MFN2: variants seen among roughly 807,000 people sequenced by gnomAD.
The protein encoded by MFN2 is mitofusin 2.
In MFN2, 43 loss-of-function variants were observed where a neutral mutation model predicts 87.5. The ratio of observed to expected loss-of-function variants is 0.49; its 90% confidence interval spans 0.38 to 0.63. The LOEUF (loss-of-function observed/expected upper bound fraction) is 0.63, where lower values mean the gene tolerates loss of function less well. MFN2 is among the 30% of genes least tolerant of loss of function. The probability of loss-of-function intolerance (pLI) is 0.00; values close to 1 mark genes in which losing one functional copy is unlikely to be tolerated. For missense variants in MFN2, 743 were observed against 972.8 expected (o/e 0.76, Z 3.14); for synonymous variants, 337 against 359.9 (o/e 0.94, Z 0.72).
chr1:12,005,056 C>T, intron 14 of MFN2, 129 bp downstream of exon 14: 1 of 769,652 alleles, frequency 1.3e-6, no homozygotes. Context: ...TCGATACCTT[C>T]AGGTTCTGGG....
intron 2 of MFN2, among the ~76,000 whole-genome samples, chr1:11,982,916 A>C (rs1646011481): frequency 6.6e-6 from 1 of 152,142 alleles, no homozygotes; most frequent in Non-Finnish European, 1.5e-5. Flanking sequence ...GGGTTTTTTC[A>C]TTGATTATAT....
chr1:11,998,484 G>A (rs1300192352), intron 6 of MFN2, among the ~76,000 whole-genome samples: 9 of 152,084 alleles, frequency 5.9e-5, no homozygotes, highest in African/African-American at 2.2e-4. Context: ...GGAGGCGGAG[G>A]TTGCAGTGAG....
In MFN2 at chr1:12,004,773, G is replaced by A. The variant is rs1639329063; in HGVS notation, c.1393-52G>A. On this transcript the variant is annotated intron_variant, in intron 13 of 18. Coordinates refer to ENST00000235329, the MANE Select transcript of MFN2 (RefSeq NM_014874.4). This position sits in a 1 kb window ranked among gnomAD's most constrained non-coding sequence, Gnocchi z 4.2. ...TGGGGTCACCTGGTGGATGTGGCCT[G>A]AAGGGAATTTTGATGGACATGCTTC... The A allele has an allele frequency of 6.3e-7, 1 of 1,579,232 alleles. No individual in the cohort carries two copies. The highest frequency in any genetic ancestry group is 8.7e-7 in the Non-Finnish European group (1 of 1,150,494).
At chr1:11,999,142 C>A in intron 8 of MFN2, 47 bp downstream of exon 8, 2 of 1,465,022 alleles carry the variant, frequency 1.4e-6, no homozygotes, top group South Asian at 2.3e-5. Flanking sequence ...CCCGAGGGAG[C>A]ACTGCCTGCC....
In MFN2 at chr1:12,004,246, A is replaced by G; in HGVS notation, c.1287+128A>G. 1 of 1,309,658 alleles carries G rather than the reference A, an allele frequency of 7.6e-7. No individual in the cohort carries two copies. The highest frequency in any genetic ancestry group is 1.1e-6 in the Non-Finnish European group (1 of 928,106). The allele number at this position is 1,309,658 out of a possible 1,614,324, so 81.1% of individuals were successfully genotyped here. A position where few individuals can be genotyped will look rare whatever the true frequency, so the allele number is the denominator to read the frequency against. On this transcript the variant is annotated intron_variant, in intron 12 of 18. Coordinates refer to ENST00000235329, the MANE Select transcript of MFN2 (RefSeq NM_014874.4). This position sits in a 1 kb window ranked among gnomAD's most constrained non-coding sequence, Gnocchi z 4.2. Reference sequence around the variant, plus strand: ...AAAGTTGTGGCCCTGTTTCAAGAATACAGAGCTGCCGTTTGGGTTCCATTG... The same window carrying G: ...AAAGTTGTGGCCCTGTTTCAAGAATGCAGAGCTGCCGTTTGGGTTCCATTG...
chr1:11,984,590 AGAT>A (rs1193933868), intron 2 of MFN2, among the ~76,000 whole-genome samples: 1 of 152,168 alleles, frequency 6.6e-6, no homozygotes, highest in Non-Finnish European at 1.5e-5. Flanking sequence ...ATATAATGTT[AGAT>A]GTGTTAGGCC....
chr1:11,986,780 G>C (rs995983015), intron 2 of MFN2, among the ~76,000 whole-genome samples: 1 of 151,686 alleles, frequency 6.6e-6, no homozygotes, highest in Non-Finnish European at 1.5e-5. Flanking sequence ...TAGCAGAGAA[G>C]GGGTTTCACC....
At chr1:12,000,992 C>T (rs1639145176) in intron 8 of MFN2, among the ~76,000 whole-genome samples, 1 of 152,138 alleles carries the variant, frequency 6.6e-6, no homozygotes, top group Non-Finnish European at 1.5e-5. Flanking sequence ...TGTGTTTGTG[C>T]CTTTGGCTGT....
chr1:12,005,692 C>T lies in MFN2; in HGVS notation c.1496-19C>T, dbSNP rs373112191. ...AGGGCTGAGCTGATAAGCTTTTCCT[C>T]CATTTCTCTTCCTGACAGATGGCTT... On this transcript the variant is annotated intron_variant, in intron 14 of 18. Coordinates refer to ENST00000235329, the MANE Select transcript of MFN2 (RefSeq NM_014874.4). 2 of 1,612,400 alleles carry T rather than the reference C, an allele frequency of 1.2e-6. No individual in the cohort carries two copies. Among genetic ancestry groups the T allele is most frequent in the South Asian group, 2.2e-5 (2 of 91,022 alleles).
At chr1:12,007,368 C>T in intron 17 of MFN2, 119 bp downstream of exon 17, 1 of 1,287,706 alleles carries the variant, frequency 7.8e-7, no homozygotes, top group Non-Finnish European at 1.1e-6. Context: ...GCATCGTAGA[C>T]CCTGGGCCTT....
rs771439230 is a variant in MFN2 at position 11,992,699 on chromosome 1, T to C, written c.311+9T>C. ...GTGGCTTTTTTTGGCCGGTAAGTCC[T>C]TGAGGCACCCACCCTTTCTTTCTTC... On this transcript the variant is annotated intron_variant, in intron 4 of 18. Coordinates refer to ENST00000235329, the MANE Select transcript of MFN2 (RefSeq NM_014874.4). The C allele has an allele frequency of 2.5e-6, 4 of 1,614,048 alleles. No individual in the cohort carries two copies. In the African/African-American group the frequency reaches 4.0e-5, roughly 16 times the overall value.
chr1:11,992,460 T>G, intron 3 of MFN2, 95 bp from the exon 4 acceptor site: 1 of 1,513,848 alleles, frequency 6.6e-7, no homozygotes, highest in Non-Finnish European at 9.2e-7. Context: ...TGGACTCGTT[T>G]AGGGTAAGCA....
At chr1:11,993,810 A>G (rs1638798111) in intron 4 of MFN2, among the ~76,000 whole-genome samples, 1 of 152,034 alleles carries the variant, frequency 6.6e-6, no homozygotes, top group Admixed American at 6.6e-5. Flanking sequence ...CTTGATATAC[A>G]TGAAGTATTC....
chr1:11,989,426 C>T, intron 3 of MFN2, 83 bp downstream of exon 3: 1 of 1,484,280 alleles, frequency 6.7e-7, no homozygotes, highest in Non-Finnish European at 9.2e-7. Context: ...GGAGGTATAT[C>T]TCTGCTCCCA....
At chr1:12,009,515 C>T (rs1639594053) in intron 17 of MFN2, 77 bp from the exon 18 acceptor site, 1 of 1,602,424 alleles carries the variant, frequency 6.2e-7, no homozygotes, top group Non-Finnish European at 8.5e-7. Flanking sequence ...CAGCTGCTCC[C>T]TACTGTGGGT....
rs1313117476 is a variant in MFN2 at position 11,980,568 on chromosome 1, G to A, written c.-150+84G>A. On this transcript the variant is annotated intron_variant, in intron 1 of 18. Coordinates refer to ENST00000235329, the MANE Select transcript of MFN2 (RefSeq NM_014874.4). ...TGAGCAGCTCGGCGTGGGCCGACGG[G>A]ATTCTGGGGCCACGGGGGTCTGGGA... 165 of 397,484 alleles carry A rather than the reference G, an allele frequency of 4.2e-4. 1 individual carries two copies. In the East Asian group the frequency reaches 5.9e-3, roughly 14 times the overall value. The allele number at this position is 397,484 out of a possible 1,614,324, so 24.6% of individuals were successfully genotyped here.
At chr1:11,996,993 A>T (rs561828838) in intron 5 of MFN2, among the ~76,000 whole-genome samples, 34 of 149,654 alleles carry the variant, frequency 2.3e-4, no homozygotes, top group South Asian at 1.1e-3. Context: ...AGCTGAGATC[A>T]CGCCACTGTA....
In MFN2 at chr1:11,998,965, C is replaced by T. The variant is rs747985686; in HGVS notation, c.709-23C>T. The stretch of plus-strand genomic sequence containing the variant: ...CCTTGGCTGTCAAGCTCCTGCTCCA[C>T]CGAGGTCTTACCCTTTATCTAGGAA... On this transcript the variant is annotated intron_variant, in intron 7 of 18. Transcript: ENST00000235329. 1.5e-5 allele frequency: 25 copies of T among 1,613,576 alleles called. No individual in the cohort carries two copies. The Admixed American group carries it at 4.0e-4, about 26-fold the overall frequency.
intron 4 of MFN2, among the ~76,000 whole-genome samples, chr1:11,993,337 A>G (rs935199331): frequency 4.6e-5 from 7 of 152,184 alleles, no homozygotes; most frequent in African/African-American, 1.7e-4. Context: ...AAATTTCGTA[A>G]GACATTAAAC....
Sources: gnomAD v4.1 joint callset for allele counts (sites outside exome capture counted in the v4.1 genomes callset) on GRCh38, gnomAD v4.1.1 for gene constraint, Gnocchi (gnomAD v3.1) non-coding constraint, MANE v1.5 for transcripts, NCBI Gene and HGNC (gene_info 2026-07-23, HGNC 2026-07-21) for gene names.